AFF4: variants seen among roughly 807,000 people sequenced by gnomAD.
AFF4 encodes AF4/FMR2 family member 4.
A neutral mutation model predicts 124.8 loss-of-function variants in AFF4; 13 were observed. That is an observed-to-expected ratio of 0.10 (90% CI 0.07 to 0.17). AFF4 has a LOEUF of 0.17. AFF4 is among the 10% of genes least tolerant of loss of function. The pLI, the probability that AFF4 is intolerant of heterozygous loss-of-function variation, is 1.00. For synonymous variants in AFF4, 477 were observed against 496.1 expected, an observed-to-expected ratio of 0.96 and a Z score of 0.51; for missense variants, 1,092 against 1,403.8, an observed-to-expected ratio of 0.78 and a Z score of 3.55.
intron 7 of AFF4, among the ~76,000 whole-genome samples, chr5:132,901,399 T>C (rs901463510): frequency 6.6e-6 from 1 of 152,240 alleles, no homozygotes; most frequent in African/African-American, 2.4e-5. Flanking sequence ...TCATGTATTT[T>C]CATTCTTAGT....
rs1471916244 is a variant in AFF4 at position 132,879,068 on chromosome 5, G to A, written c.*1991C>T. 9.0e-6 allele frequency: 2 copies of A among 221,110 alleles called. No homozygotes were observed. The highest frequency in any genetic ancestry group is 6.7e-5 in the East Asian group (1 of 15,026). The allele number at this position is 221,110 out of a possible 1,614,324, so 13.7% of individuals were successfully genotyped here. A position where few individuals can be genotyped will look rare whatever the true frequency, so the allele number is the denominator to read the frequency against. On this transcript the variant is annotated 3_prime_UTR_variant, in exon 21 of 21. Coordinates refer to ENST00000265343, the MANE Select transcript of AFF4 (RefSeq NM_014423.4). ...GAAAACTGTTCCTAGAACACACTAA[G>A]ATTAAGTTAGAAAGATATCAGAGGC...
chr5:132,880,327 T>A lies in AFF4; in HGVS notation c.*732A>T. On this transcript the variant is annotated 3_prime_UTR_variant, in exon 21 of 21. Transcript: ENST00000265343. ...GTAATGCATTAAATGCAAGCTATAG[T>A]CACTGTGTGATTGCTGTAGTGTTAT... is the stretch of plus-strand genomic sequence containing the variant. The A allele has an allele frequency of 1.0e-5, 4 of 398,988 alleles. No homozygotes were observed. In the East Asian group the frequency reaches 1.1e-4, roughly 11 times the overall value. The allele number at this position is 398,988 out of a possible 1,614,324, so 24.7% of individuals were successfully genotyped here. A position where few individuals can be genotyped will look rare whatever the true frequency, so the allele number is the denominator to read the frequency against.
At chr5:132,932,270 A>C in intron 3 of AFF4, 48 bp from the exon 4 acceptor site, 1 of 1,513,858 alleles carries the variant, frequency 6.6e-7, no homozygotes, top group Non-Finnish European at 9.0e-7. Flanking sequence ...GTAGATTTTT[A>C]GTATTTGCTT....
rs28372769 is a variant in AFF4, at chr5:132,963,438, T to TCGG, written c.-187_-185dup. ...GAGGCCTCGACAAACGAAGGCGGCG[T>TCGG]CGGCGGCGGCGGCAGCGATGCGCCT... On this transcript the variant is annotated 5_prime_UTR_variant, in exon 1 of 21. Transcript: ENST00000265343. The TCGG allele has an allele frequency of 2.0e-3, 787 of 397,882 alleles. 4 individuals carry two copies. The highest frequency in any genetic ancestry group is 0.015 in the African/African-American group (735 of 48,518). The allele number at this position is 397,882 out of a possible 1,614,324, so 24.6% of individuals were successfully genotyped here. A position where few individuals can be genotyped will look rare whatever the true frequency, so the allele number is the denominator to read the frequency against.
At chr5:132,938,791 A>G (rs1364443555) in intron 1 of AFF4, among the ~76,000 whole-genome samples, 1 of 151,440 alleles carries the variant, frequency 6.6e-6, no homozygotes, top group East Asian at 2.0e-4. Context: ...AAAATACAAA[A>G]AATTAGCCAG....
chr5:132,889,986 C>T (rs1760214070), intron 13 of AFF4, among the ~76,000 whole-genome samples: 1 of 152,030 alleles, frequency 6.6e-6, no homozygotes, highest in African/African-American at 2.4e-5. Context: ...AGAGCTATGA[C>T]TCTCTCTCAA....
At chr5:132,900,905 T>G (rs972948058) in intron 7 of AFF4, 1 of 984,562 alleles carries the variant, frequency 1.0e-6, no homozygotes, top group Non-Finnish European at 1.2e-6. Context: ...CTCCAATCAG[T>G]GAGAAGGAAA....
Position 132,963,433 on chromosome 5 carries a change from C to T in AFF4, c.-179G>A. The T allele has an allele frequency of 2.5e-6, 1 of 398,180 alleles. No individual in the cohort carries two copies. Among genetic ancestry groups the T allele is most frequent in the East Asian group, 3.6e-5 (1 of 28,032 alleles). 24.7% of individuals were successfully genotyped at this position (398,180 alleles called of 1,614,324 possible). ...TTCCGGAGGCCTCGACAAACGAAGG[C>T]GGCGTCGGCGGCGGCGGCAGCGATG... On this transcript the variant is annotated 5_prime_UTR_variant, in exon 1 of 21. Coordinates refer to ENST00000265343, the MANE Select transcript of AFF4 (RefSeq NM_014423.4).
chr5:132,897,230 G>A lies in AFF4; in HGVS notation c.1400C>T (p.Pro467Leu), dbSNP rs745352678. The A allele has an allele frequency of 3.1e-6, 5 of 1,612,482 alleles. No individual in the cohort carries two copies. Among genetic ancestry groups the A allele is most frequent in the Non-Finnish European group, 4.2e-6 (5 of 1,178,806 alleles). ...ATCAAGTTGCCATTTGTTTGTTGGCGGGGGTTCAGGCTGAAAAACAGAGAA... is the reference window on the plus strand; with the variant it reads ...ATCAAGTTGCCATTTGTTTGTTGGCAGGGGTTCAGGCTGAAAAACAGAGAA... The part of the protein sequence containing the change: ...SQSASPEPEP[P>L]PTNKWQLDNW... Residue 467 changes from proline (P) to leucine (L), a missense_variant, in exon 11 of 21, where the codon CCG becomes CTG. This residue lies in a region of AFF4 where 18 missense variants were observed against 16.7 expected (regional missense o/e 1.08). Coordinates refer to ENST00000265343, the MANE Select transcript of AFF4 (RefSeq NM_014423.4).
chr5:132,926,942 A>G, intron 5 of AFF4, 179 bp downstream of exon 5: 5 of 548,520 alleles, frequency 9.1e-6, no homozygotes, highest in Non-Finnish European at 1.6e-5. Flanking sequence ...TCTCAGTTCC[A>G]TTACCCTGCT....
At chr5:132,946,932 C>T (rs1253995286) in intron 1 of AFF4, among the ~76,000 whole-genome samples, 4 of 152,096 alleles carry the variant, frequency 2.6e-5, no homozygotes, top group Non-Finnish European at 5.9e-5. Flanking sequence ...TGGCGTGCTC[C>T]TGTAGTCCCA....
At chr5:132,888,837 A>G (rs149721302) in intron 14 of AFF4, among the ~76,000 whole-genome samples, 2 of 152,210 alleles carry the variant, frequency 1.3e-5, no homozygotes, top group East Asian at 3.9e-4. Context: ...AGCTGCGATT[A>G]CAGGTGTGTA....
chr5:132,893,836 C>T (rs1490959266), intron 11 of AFF4, among the ~76,000 whole-genome samples: 1 of 152,132 alleles, frequency 6.6e-6, no homozygotes, highest in African/African-American at 2.4e-5. Context: ...CATTAGTAGT[C>T]ACTCCCCATC....
At chr5:132,931,034 G>T (rs953242102) in intron 4 of AFF4, among the ~76,000 whole-genome samples, 1 of 150,050 alleles carries the variant, frequency 6.7e-6, no homozygotes, top group African/African-American at 2.5e-5. Flanking sequence ...TTGAACCTGC[G>T]AGGCGGAGGT....
chr5:132,949,972 A>G (rs1375274672), intron 1 of AFF4, among the ~76,000 whole-genome samples: 2 of 151,968 alleles, frequency 1.3e-5, no homozygotes, highest in African/African-American at 4.8e-5. Context: ...GCAGTGAGCT[A>G]TGTTTGTGCC....
At chr5:132,960,751 T>A (rs1030415945) in intron 1 of AFF4, among the ~76,000 whole-genome samples, 1 of 152,122 alleles carries the variant, frequency 6.6e-6, no homozygotes, top group African/African-American at 2.4e-5. Context: ...TCAAATTCAA[T>A]CTAGTAATTG....
intron 8 of AFF4, 150 bp from the exon 9 acceptor site, chr5:132,899,291 G>T: frequency 1.4e-6 from 1 of 725,564 alleles, no homozygotes; most frequent in Non-Finnish European, 2.2e-6. Context: ...TACCTGAAGA[G>T]TAACTGAATT....
At chr5:132,927,507 G>C (rs2150093462) in intron 4 of AFF4, 1 of 288,138 alleles carries the variant, frequency 3.5e-6, no homozygotes, top group African/African-American at 2.3e-5. Context: ...TAATCAGGAA[G>C]AGCTTGCTAG....
chr5:132,909,069 G>A (rs1294568806), intron 5 of AFF4, among the ~76,000 whole-genome samples: 2 of 150,540 alleles, frequency 1.3e-5, no homozygotes, highest in South Asian at 2.1e-4. Flanking sequence ...GCACCCAGCC[G>A]CTCAAGCATA....
Sources: gnomAD v4.1 joint callset for allele counts (sites outside exome capture counted in the v4.1 genomes callset) on GRCh38, gnomAD v4.1.1 for gene constraint, gnomAD v4.1.1 regional missense constraint, MANE v1.5 for transcripts, NCBI Gene and HGNC (gene_info 2026-07-23, HGNC 2026-07-21) for gene names.